Variants in TECRL observed in about 807,000 individuals in gnomAD.
The protein encoded by TECRL is trans-2,3-enoyl-CoA reductase like.
In TECRL, 63 loss-of-function variants were observed where a neutral mutation model predicts 52.8. The ratio of observed to expected loss-of-function variants is 1.19; its 90% CI spans 0.97 to 1.47. The LOEUF (loss-of-function observed/expected upper bound fraction) is 1.47. Ranked by LOEUF, TECRL falls within the 40% of genes most tolerant of loss-of-function variation. TECRL has a pLI of 0.00. For missense variants in TECRL, 482 were observed against 429.6 expected (o/e 1.12, Z -1.08); for synonymous variants, 164 against 141.9 (o/e 1.16, Z -1.10).
intron 2 of TECRL, among the ~76,000 whole-genome samples, chr4:64,363,235 T>C (rs1721328763): frequency 1.3e-5 from 2 of 152,220 alleles, no homozygotes; most frequent in South Asian, 2.1e-4. Context: ...CACAAAATAA[T>C]AGTGGGAAAC....
chr4:64,389,049 A>G (rs1393463447), intron 1 of TECRL, among the ~76,000 whole-genome samples: 1 of 151,878 alleles, frequency 6.6e-6, no homozygotes, highest in African/African-American at 2.4e-5. Context: ...CAGATATTCT[A>G]CATAGACAAA....
intron 2 of TECRL, among the ~76,000 whole-genome samples, chr4:64,366,137 G>A (rs756349680): frequency 2.0e-4 from 31 of 152,162 alleles, no homozygotes; most frequent in Non-Finnish European, 3.4e-4. Context: ...ATGAAGAAAA[G>A]GACTCCCCAT....
intron 9 of TECRL, among the ~76,000 whole-genome samples, chr4:64,285,039 T>G (rs1391082542): frequency 6.6e-6 from 1 of 152,124 alleles, no homozygotes; most frequent in Non-Finnish European, 1.5e-5. Context: ...TTTTAAGGAC[T>G]GTTAGACAAA....
chr4:64,380,340 A>G (rs542339570), intron 1 of TECRL, among the ~76,000 whole-genome samples: 1 of 152,102 alleles, frequency 6.6e-6, no homozygotes, highest in African/African-American at 2.4e-5. Flanking sequence ...ATAGTGTGCA[A>G]ATATTTTCTT....
intron 5 of TECRL, among the ~76,000 whole-genome samples, chr4:64,310,885 A>AT (rs1161530524): frequency 9.2e-5 from 14 of 151,920 alleles, no homozygotes; most frequent in African/African-American, 2.7e-4. Context: ...TGCCCGGCTA[A>AT]TTTTTTTGTA....
chr4:64,375,747 T>G (rs996367368), intron 1 of TECRL, among the ~76,000 whole-genome samples: 1 of 151,888 alleles, frequency 6.6e-6, no homozygotes, highest in African/African-American at 2.4e-5. Context: ...GCATGTGAGA[T>G]ATATTTTTTG....
At chr4:64,407,063 A>G (rs1724782083) in intron 1 of TECRL, among the ~76,000 whole-genome samples, 1 of 152,062 alleles carries the variant, frequency 6.6e-6, no homozygotes, top group Non-Finnish European at 1.5e-5. Context: ...GTGTCTCACC[A>G]CTATTATGAA....
intron 2 of TECRL, among the ~76,000 whole-genome samples, chr4:64,356,468 G>A (rs1158969443): frequency 2.0e-5 from 3 of 152,190 alleles, no homozygotes; most frequent in Admixed American, 2.0e-4. Flanking sequence ...GTGGGAGGCA[G>A]GACATGTCGG....
At chr4:64,344,867 C>T (rs1308725081) in intron 2 of TECRL, among the ~76,000 whole-genome samples, 3 of 152,088 alleles carry the variant, frequency 2.0e-5, no homozygotes, top group Non-Finnish European at 4.4e-5. Flanking sequence ...CACACCAGGC[C>T]AATGTGAGTC....
At chr4:64,316,934 G>C (rs1717536011) in intron 4 of TECRL, among the ~76,000 whole-genome samples, 1 of 152,172 alleles carries the variant, frequency 6.6e-6, no homozygotes, top group African/African-American at 2.4e-5. Context: ...GAAATTGAGA[G>C]TCTTTGAAAC....
chr4:64,289,722 G>A lies in TECRL; in HGVS notation c.820C>T (p.Pro274Ser). 3 of 1,544,974 alleles carry A rather than the reference G, an allele frequency of 1.9e-6. No homozygotes were observed. The highest frequency in any genetic ancestry group is 2.5e-5 in the East Asian group (1 of 40,564). The change falls in exon 9 of 12, where the codon CCC (proline) becomes TCC (serine). Residue 274 changes from proline to serine, a missense_variant. Pro to Ser is a moderately conservative substitution (Grantham distance 74). Coordinates refer to ENST00000381210, the MANE Select transcript of TECRL (RefSeq NM_001010874.5). Reference sequence around the variant, plus strand: ...AAAAAGAACTAACCTGTGTGATTGGGATGAGACAACATTACATTGATGAAA... The same window carrying A: ...AAAAAGAACTAACCTGTGTGATTGGAATGAGACAACATTACATTGATGAAA... ...NHFINVMLSHPNHTGNNACFP... is the reference protein window; with the variant it reads ...NHFINVMLSHSNHTGNNACFP...
At chr4:64,354,418 G>T (rs1720616206) in intron 2 of TECRL, among the ~76,000 whole-genome samples, 2 of 152,120 alleles carry the variant, frequency 1.3e-5, no homozygotes, top group Admixed American at 6.5e-5. Flanking sequence ...GATGAACTAG[G>T]AGACAAATCT....
intron 2 of TECRL, among the ~76,000 whole-genome samples, chr4:64,341,320 G>C (rs961454491): frequency 6.6e-6 from 1 of 152,136 alleles, no homozygotes; most frequent in Non-Finnish European, 1.5e-5. Flanking sequence ...GGAGCTAAAG[G>C]CCAGGCAAGG....
chr4:64,331,172 A>T (rs928874563), intron 2 of TECRL, among the ~76,000 whole-genome samples: 2 of 152,116 alleles, frequency 1.3e-5, no homozygotes, highest in Non-Finnish European at 2.9e-5. Flanking sequence ...ATTCACCTCC[A>T]GTACAGGTAA....
intron 5 of TECRL, among the ~76,000 whole-genome samples, chr4:64,312,362 C>T (rs1351955472): frequency 6.6e-6 from 1 of 152,106 alleles, no homozygotes; most frequent in Non-Finnish European, 1.5e-5. Flanking sequence ...GTTTGTGTAT[C>T]TGCTGTGGAA....
chr4:64,361,499 C>A (rs541780401), intron 2 of TECRL, among the ~76,000 whole-genome samples: 7 of 152,206 alleles, frequency 4.6e-5, no homozygotes, highest in Admixed American at 6.6e-5. Context: ...ACATCTTGGA[C>A]CCTCCAGCAC....
At chr4:64,312,199 AT>A (rs913808205) in intron 5 of TECRL, among the ~76,000 whole-genome samples, 3 of 152,156 alleles carry the variant, frequency 2.0e-5, no homozygotes, top group Non-Finnish European at 4.4e-5. Context: ...TGGAGACAAC[AT>A]TTTAATGTGT....
intron 9 of TECRL, among the ~76,000 whole-genome samples, chr4:64,285,785 A>C (rs1272155219): frequency 1.3e-5 from 2 of 152,112 alleles, no homozygotes; most frequent in African/African-American, 2.4e-5. Context: ...CTTGGAAGAC[A>C]TTGTTTCCAA....
chr4:64,287,681 G>A (rs1239568027), intron 9 of TECRL, among the ~76,000 whole-genome samples: 1 of 152,006 alleles, frequency 6.6e-6, no homozygotes, highest in East Asian at 1.9e-4. Flanking sequence ...GTTTTATAAT[G>A]GAATACATTA....
Sources: gnomAD v4.1 joint callset for allele counts (sites outside exome capture counted in the v4.1 genomes callset) on GRCh38, gnomAD v4.1.1 for gene constraint, MANE v1.5 for transcripts, NCBI Gene and HGNC (gene_info 2026-07-23, HGNC 2026-07-21) for gene names.